The following SLC35E3 variants were observed in gnomAD, a reference collection of about 807,000 sequenced individuals.
The protein encoded by SLC35E3 is bladder cancer-overexpressed gene 1 protein.
In SLC35E3, 28 loss-of-function variants were observed where a neutral mutation model predicts 30.8. That is an observed-to-expected ratio of 0.91 (90% confidence interval 0.67 to 1.25). The LOEUF (loss-of-function observed/expected upper bound fraction) is 1.25. SLC35E3 is among the 50% of genes most tolerant of loss of function. The probability of loss-of-function intolerance (pLI) is 0.00; values close to 1 mark genes in which losing one functional copy is unlikely to be tolerated. For synonymous variants in SLC35E3, 146 were observed against 149.2 expected, an observed-to-expected ratio of 0.98 and a Z score of 0.16; for missense variants, 365 against 375.4, an observed-to-expected ratio of 0.97 and a Z score of 0.23.
intron 3 of SLC35E3, among the ~76,000 whole-genome samples, chr12:68,758,543 A>T (rs1283163165): frequency 1.3e-5 from 2 of 152,122 alleles, no homozygotes; most frequent in Non-Finnish European, 2.9e-5. Flanking sequence ...AATAATAATA[A>T]TGCATATGTA....
Position 68,758,898 on chromosome 12 carries a change from C to T in SLC35E3, c.673-259C>T, listed in dbSNP as rs1378394487. ...CTGGGACTACAGGCGCCCGCCACTGCGCCCAGCAAATTTTTTATATTTTTA... is the reference window on the plus strand; with the variant it reads ...CTGGGACTACAGGCGCCCGCCACTGTGCCCAGCAAATTTTTTATATTTTTA... On this transcript the variant is annotated intron_variant, in intron 3 of 4. Transcript: ENST00000398004. Among the ~76,000 whole-genome samples the T allele has an allele frequency of 9.9e-5, 15 of 151,826 alleles. No homozygotes were observed. In the South Asian group the frequency reaches 1.7e-3, roughly 17 times the overall value.
At chr12:68,754,415 C>G (rs2136070991) in intron 3 of SLC35E3, among the ~76,000 whole-genome samples, 1 of 152,254 alleles carries the variant, frequency 6.6e-6, no homozygotes, top group East Asian at 1.9e-4. Context: ...TCCCGAGTAG[C>G]TGGAATTAGA....
chr12:68,749,658 G>A (rs1318267038), intron 2 of SLC35E3, among the ~76,000 whole-genome samples: 1 of 152,198 alleles, frequency 6.6e-6, no homozygotes, highest in African/African-American at 2.4e-5. Flanking sequence ...GGGCGGTGAG[G>A]TAAGACTTTA....
chr12:68,747,106 C>A (rs1166597644), intron 1 of SLC35E3, among the ~76,000 whole-genome samples: 1 of 152,156 alleles, frequency 6.6e-6, no homozygotes, highest in African/African-American at 2.4e-5. Context: ...CAGCCTTTCT[C>A]CCCCAGGGGA....
chr12:68,746,185 G>C lies in SLC35E3; in HGVS notation c.-193G>C. 1 of 503,016 alleles carries C rather than the reference G, an allele frequency of 2.0e-6. No homozygotes were observed. The highest frequency in any genetic ancestry group is 3.5e-5 in the South Asian group (1 of 28,952). The allele number at this position is 503,016 out of a possible 1,614,324, so 31.2% of individuals were successfully genotyped here. A position where few individuals can be genotyped will look rare whatever the true frequency, so the allele number is the denominator to read the frequency against. On this transcript the variant is annotated 5_prime_UTR_variant, in exon 1 of 5. Transcript: ENST00000398004. The stretch of plus-strand genomic sequence containing the variant: ...TGGGACGTGCTGCGGCGTCCTAGCT[G>C]GCTTACAGGGCGGCGGCGGGGTGTG...
rs1455777077 is a variant in SLC35E3 at position 68,746,449 on chromosome 12, G to A, written c.72G>A (p.Val24=). The change falls in exon 1 of 5, where the codon GTG becomes GTA. Residue 24 remains valine (V), a synonymous_variant. Coordinates refer to ENST00000398004, the MANE Select transcript of SLC35E3 (RefSeq NM_018656.5). ...IAAGLLFNLL[V]SICIVFLNKW... ...CCGGGCTCCTGTTCAACCTGCTGGT[G>A]TCCATCTGCATTGTGTTCCTCAACA... is the stretch of plus-strand genomic sequence containing the variant. 6.2e-7 allele frequency: 1 copy of A among 1,614,052 alleles called. No individual in the cohort carries two copies. Among genetic ancestry groups the A allele is most frequent in the Non-Finnish European group, 8.5e-7 (1 of 1,179,924 alleles).
intron 4 of SLC35E3, among the ~76,000 whole-genome samples, chr12:68,760,602 A>G (rs1437374119): frequency 6.6e-6 from 1 of 152,170 alleles, no homozygotes; most frequent in Non-Finnish European, 1.5e-5. Flanking sequence ...TAGTCCCCAA[A>G]TTTGTACATC....
intron 1 of SLC35E3, 146 bp from the exon 2 acceptor site, chr12:68,747,784 C>T: frequency 1.7e-5 from 8 of 483,852 alleles, no homozygotes; most frequent in East Asian, 3.3e-5. Flanking sequence ...ACTAGTTTTC[C>T]CAAGTCAAAA....
At chr12:68,759,104 G>T in intron 3 of SLC35E3, 53 bp from the exon 4 acceptor site, 1 of 1,176,096 alleles carries the variant, frequency 8.5e-7, no homozygotes, top group South Asian at 1.3e-5. Context: ...ATCTTTGCTT[G>T]ATGATTATGA....
Position 68,748,159 on chromosome 12 carries a change from T to C in SLC35E3, c.513+119T>C. ...ATAGACTGTTGGGAAGAAAGCATAATTGCATAAGTTGTCTGACTCAAGGTG... is the reference window on the plus strand; with the variant it reads ...ATAGACTGTTGGGAAGAAAGCATAACTGCATAAGTTGTCTGACTCAAGGTG... On this transcript the variant is annotated intron_variant, in intron 2 of 4. Transcript: ENST00000398004. 12 of 614,190 alleles carry C rather than the reference T, an allele frequency of 2.0e-5. 1 individual carries two copies. The South Asian group carries it at 2.6e-4, about 13-fold the overall frequency. 38.0% of individuals were successfully genotyped at this position (614,190 alleles called of 1,614,324 possible). A position where few individuals can be genotyped will look rare whatever the true frequency, so the allele number is the denominator to read the frequency against.
chr12:68,764,124 C>A (rs1281774066), intron 4 of SLC35E3, among the ~76,000 whole-genome samples: 2 of 152,154 alleles, frequency 1.3e-5, no homozygotes, highest in Non-Finnish European at 2.9e-5. Flanking sequence ...CACTGTAAAA[C>A]ATAATTATAA....
At chr12:68,757,294 G>A (rs181461352) in intron 3 of SLC35E3, among the ~76,000 whole-genome samples, 10 of 152,142 alleles carry the variant, frequency 6.6e-5, no homozygotes, top group Admixed American at 3.9e-4. Context: ...TTCAAAGTCC[G>A]TAACAAAGAC....
chr12:68,761,013 C>T (rs1879216871), intron 4 of SLC35E3, among the ~76,000 whole-genome samples: 1 of 152,024 alleles, frequency 6.6e-6, no homozygotes, highest in Admixed American at 6.6e-5. Context: ...GCAGTTGCTC[C>T]ATGCAGATCA....
At chr12:68,748,458 T>G (rs558613429) in intron 2 of SLC35E3, among the ~76,000 whole-genome samples, 29 of 152,270 alleles carry the variant, frequency 1.9e-4, no homozygotes, top group Non-Finnish European at 3.4e-4. Context: ...TGTTTTTGCC[T>G]CAAAAATTAT....
rs1356305044 is a variant in SLC35E3 at position 68,779,944 on chromosome 12, A to T, written c.*15054A>T. 1 of 152,128 alleles carries T rather than the reference A, an allele frequency of 6.6e-6. No individual in the cohort carries two copies. The highest frequency in any genetic ancestry group is 1.5e-5 in the Non-Finnish European group (1 of 68,048). The allele number at this position is 152,128 out of a possible 1,614,324, so 9.4% of individuals were successfully genotyped here. On this transcript the variant is annotated 3_prime_UTR_variant, in exon 5 of 5. Transcript: ENST00000398004. ...AAAGTGAGACCCTGACTCTAAAAGT[A>T]AAATTAAATTAAATTAAAAATAAGT... is the stretch of plus-strand genomic sequence containing the variant.
rs1337580998 is a variant in SLC35E3 at position 68,777,700 on chromosome 12, A to G, written c.*12810A>G. On this transcript the variant is annotated 3_prime_UTR_variant, in exon 5 of 5. Coordinates refer to ENST00000398004, the MANE Select transcript of SLC35E3 (RefSeq NM_018656.5). ...GCTGCTTATCTAGAATCTGCTAGAA[A>G]TGGAGTTCACCCAAAGAATGACCAT... is the stretch of plus-strand genomic sequence containing the variant. 2 of 152,262 alleles carry G rather than the reference A, an allele frequency of 1.3e-5. No homozygotes were observed. Among genetic ancestry groups the G allele is most frequent in the African/African-American group, 4.8e-5 (2 of 41,468 alleles). 9.4% of individuals were successfully genotyped at this position (152,262 alleles called of 1,614,324 possible).
At chr12:68,747,271 T>C (rs886339930) in intron 1 of SLC35E3, among the ~76,000 whole-genome samples, 8 of 151,886 alleles carry the variant, frequency 5.3e-5, no homozygotes, top group Admixed American at 2.6e-4. Flanking sequence ...TTTTTCTTTT[T>C]TTTTTTTTTC....
Position 68,767,211 on chromosome 12 carries a change from T to C in SLC35E3, c.*2321T>C, listed in dbSNP as rs528129375. Reference sequence around the variant, plus strand: ...ACATCTGAATATTAAAAGCAGTTGTTGATAATTTCATATAATAAATTGAGA... The same window carrying C: ...ACATCTGAATATTAAAAGCAGTTGTCGATAATTTCATATAATAAATTGAGA... On this transcript the variant is annotated 3_prime_UTR_variant, in exon 5 of 5. Transcript: ENST00000398004. 2.6e-5 allele frequency: 4 copies of C among 152,406 alleles called. No homozygotes were observed. Among genetic ancestry groups the C allele is most frequent in the Admixed American group, 1.3e-4 (2 of 15,300 alleles). The allele number at this position is 152,406 out of a possible 1,614,324, so 9.4% of individuals were successfully genotyped here.
At position 68,769,991 on chromosome 12, in the gene SLC35E3, T is replaced by C. The variant is rs1879559484; in HGVS notation, c.*5101T>C. 6.6e-6 allele frequency: 1 copy of C among 152,242 alleles called. No homozygotes were observed. Among genetic ancestry groups the C allele is most frequent in the Non-Finnish European group, 1.5e-5 (1 of 68,060 alleles). 9.4% of individuals were successfully genotyped at this position (152,242 alleles called of 1,614,324 possible). A position where few individuals can be genotyped will look rare whatever the true frequency, so the allele number is the denominator to read the frequency against. ...ATGAATGCTAAAGGGAACATCGTTC[T>C]GTGAGCACATAACAAAAGAATCTGG... On this transcript the variant is annotated 3_prime_UTR_variant, in exon 5 of 5. Transcript: ENST00000398004.
Sources: gnomAD v4.1 joint callset for allele counts (sites outside exome capture counted in the v4.1 genomes callset) on GRCh38, gnomAD v4.1.1 for gene constraint, MANE v1.5 for transcripts, NCBI Gene and HGNC (gene_info 2026-07-23, HGNC 2026-07-21) for gene names.